The following PKIB variants were observed in gnomAD, a reference collection of about 807,000 sequenced individuals.
PKIB encodes PKI-beta.
PKIB carries 2 observed loss-of-function variants against 4.5 expected under a neutral mutation model. The ratio of observed to expected loss-of-function variants is 0.44; its 90% confidence interval spans 0.18 to 1.39. The LOEUF is 1.39. Among genes scored for constraint, PKIB ranks in the 40% most tolerant of loss-of-function variants. PKIB has a pLI of 0.27. For synonymous variants in PKIB, 38 were observed against 36.0 expected, an observed-to-expected ratio of 1.06 and a Z score of -0.20; for missense variants, 94 against 92.6, an observed-to-expected ratio of 1.02 and a Z score of -0.06.
chr6:122,542,751 C>T (rs1777646538), intron 2 of PKIB, among the ~76,000 whole-genome samples: 1 of 152,122 alleles, frequency 6.6e-6, no homozygotes. Context: ...AACTGTCAGA[C>T]AGGGACATTT....
intron 2 of PKIB, among the ~76,000 whole-genome samples, chr6:122,664,684 T>C (rs907513036): frequency 6.6e-6 from 1 of 152,196 alleles, no homozygotes; most frequent in Non-Finnish European, 1.5e-5. Context: ...TATGAGCCAC[T>C]GTTCCTGGTG....
At chr6:122,699,477 T>C (rs1778710049) in intron 3 of PKIB, among the ~76,000 whole-genome samples, 1 of 39,326 alleles carries the variant, frequency 2.5e-5, no homozygotes, top group Admixed American at 3.8e-4. Context: ...TATGGGACCA[T>C]GGCATTAAGG....
intron 3 of PKIB, 59 bp downstream of exon 3, chr6:122,675,203 G>T (rs181386272): frequency 3.8e-4 from 58 of 152,570 alleles, no homozygotes; most frequent in Admixed American, 7.2e-4. Context: ...GAAAGAAATG[G>T]TTCCTACCAT....
intron 2 of PKIB, among the ~76,000 whole-genome samples, chr6:122,531,837 C>G (rs1777268802): frequency 6.6e-6 from 1 of 152,196 alleles, no homozygotes; most frequent in Non-Finnish European, 1.5e-5. Flanking sequence ...GGCTTTAGCA[C>G]TCAGCATTGT....
In PKIB at chr6:122,662,818, C is replaced by G. The variant is rs189387380; in HGVS notation, c.-75-12260C>G. Among the ~76,000 whole-genome samples the G allele has an allele frequency of 7.3e-3, 1,114 of 152,264 alleles. 5 individuals are homozygous for G. The highest frequency in any genetic ancestry group is 0.011 in the Non-Finnish European group (775 of 68,026). On this transcript the variant is annotated intron_variant, in intron 2 of 4. Transcript: ENST00000368452. ...GTTTAGAGAGGGTATATAACTTGTC[C>G]AAAGACACAGAGCTAGTCAGTAGCG... is the stretch of plus-strand genomic sequence containing the variant.
At chr6:122,636,901 G>T (rs2114837312) in intron 2 of PKIB, among the ~76,000 whole-genome samples, 1 of 152,286 alleles carries the variant, frequency 6.6e-6, no homozygotes, top group Middle Eastern at 3.4e-3. Flanking sequence ...TCCCCAAACA[G>T]ATCAAAGCAC....
intron 2 of PKIB, among the ~76,000 whole-genome samples, chr6:122,491,997 C>T (rs1775945911): frequency 6.6e-6 from 1 of 152,150 alleles, no homozygotes; most frequent in Non-Finnish European, 1.5e-5. Context: ...AAAGCTAAGA[C>T]TCACCAACTG....
intron 1 of PKIB, among the ~76,000 whole-genome samples, chr6:122,474,264 G>C (rs1489643533): frequency 6.6e-6 from 1 of 152,234 alleles, no homozygotes; most frequent in African/African-American, 2.4e-5. Flanking sequence ...AAGTAGCCAT[G>C]CTGGAAGAAG....
intron 3 of PKIB, among the ~76,000 whole-genome samples, chr6:122,707,843 A>T (rs1482942235): frequency 6.6e-6 from 1 of 152,168 alleles, no homozygotes; most frequent in East Asian, 1.9e-4. Context: ...TATGCACCAG[A>T]ATTACAACAG....
chr6:122,549,092 C>A (rs1772589384), intron 2 of PKIB, among the ~76,000 whole-genome samples: 1 of 152,110 alleles, frequency 6.6e-6, no homozygotes, highest in Non-Finnish European at 1.5e-5. Flanking sequence ...CCCTTTGAGG[C>A]TGAATCATGT....
intron 3 of PKIB, among the ~76,000 whole-genome samples, chr6:122,600,632 C>T (rs528192846): frequency 1.3e-5 from 2 of 152,228 alleles, no homozygotes; most frequent in Admixed American, 6.5e-5. Flanking sequence ...AATACTACCT[C>T]ACAAAACTTA....
At chr6:122,569,959 G>T (rs1370910985) in intron 2 of PKIB, among the ~76,000 whole-genome samples, 1 of 152,172 alleles carries the variant, frequency 6.6e-6, no homozygotes, top group Non-Finnish European at 1.5e-5. Flanking sequence ...CTTGGAGACG[G>T]TGTCCTTATT....
intron 1 of PKIB, among the ~76,000 whole-genome samples, chr6:122,472,439 T>G (rs1222329889): frequency 9.1e-6 from 1 of 110,026 alleles, no homozygotes; most frequent in African/African-American, 3.4e-5. Flanking sequence ...AGATAAGACA[T>G]TATCAAACTC....
intron 3 of PKIB, among the ~76,000 whole-genome samples, chr6:122,684,694 C>A (rs1778028757): frequency 6.6e-6 from 1 of 152,060 alleles, no homozygotes; most frequent in Non-Finnish European, 1.5e-5. Flanking sequence ...TGAAAATAGA[C>A]CGGCTTTTTT....
At chr6:122,538,826 C>G (rs902414035) in intron 2 of PKIB, among the ~76,000 whole-genome samples, 7 of 152,114 alleles carry the variant, frequency 4.6e-5, no homozygotes, top group Non-Finnish European at 1.0e-4. Context: ...GAATCTTCTT[C>G]CATTTGTTTG....
At chr6:122,640,681 G>A (rs187582501) in intron 2 of PKIB, among the ~76,000 whole-genome samples, 2 of 152,308 alleles carry the variant, frequency 1.3e-5, no homozygotes, top group East Asian at 3.9e-4. Context: ...GAAGGACTCA[G>A]GTGGTGAACT....
chr6:122,715,649 G>GTATATATATA (rs138034261), intron 3 of PKIB, among the ~76,000 whole-genome samples: 3,619 of 146,722 alleles, frequency 0.025, 68 homozygotes, highest in East Asian at 0.047. Context: ...GGTATTTTAT[G>GTATATATATA]TATATATATA....
At position 122,646,843 on chromosome 6, in the gene PKIB, T is replaced by C. The variant is rs191736632; in HGVS notation, c.-76+13476T>C. The stretch of plus-strand genomic sequence containing the variant: ...TTACACCTTCTTCATAGAAATACTA[T>C]ATTTCTAGTACACCCTTGGGAATCA... On this transcript the variant is annotated intron_variant, in intron 2 of 4. Coordinates refer to ENST00000368452, the MANE Select transcript of PKIB (RefSeq NM_181795.3). Among the ~76,000 whole-genome samples, 10 of 152,326 alleles carry C rather than the reference T, an allele frequency of 6.6e-5. No homozygotes were observed. The East Asian group carries it at 1.9e-3, about 29-fold the overall frequency.
At chr6:122,714,757 C>G (rs66542969) in intron 3 of PKIB, among the ~76,000 whole-genome samples, 24,831 of 152,074 alleles carry the variant, frequency 0.16, 2,642 homozygotes, top group Middle Eastern at 0.23. Context: ...ATGAAATAAT[C>G]TGTACAACAA....
Sources: gnomAD v4.1 joint callset for allele counts (sites outside exome capture counted in the v4.1 genomes callset) on GRCh38, gnomAD v4.1.1 for gene constraint, MANE v1.5 for transcripts, NCBI Gene and HGNC (gene_info 2026-07-23, HGNC 2026-07-21) for gene names.